Variants in HCFC2 observed in about 807,000 individuals in gnomAD.
HCFC2 encodes the protein host cell factor 2.
HCFC2 carries 18 observed loss-of-function variants against 89.2 expected under a neutral mutation model. The ratio of observed to expected loss-of-function variants is 0.20; its 90% CI spans 0.14 to 0.30. HCFC2 has a LOEUF of 0.30. Ranked by LOEUF, HCFC2 falls within the 10% of genes least tolerant of loss-of-function variation. HCFC2 has a pLI of 1.00. For synonymous variants in HCFC2, 308 were observed against 335.7 expected (o/e 0.92, Z 0.90); for missense variants, 578 against 956.1 (o/e 0.60, Z 5.21).
Position 104,095,537 on chromosome 12 carries a change from T to G in HCFC2, c.1640T>G (p.Leu547Arg), listed in dbSNP as rs1884152436. 6.2e-7 allele frequency: 1 copy of G among 1,613,326 alleles called. No individual in the cohort carries two copies. The highest frequency in any genetic ancestry group is 1.3e-5 in the African/African-American group (1 of 74,910). Residue 547 changes from leucine (L) to arginine (R), a missense_variant, in exon 11 of 15, where the codon CTA becomes CGA. By Grantham distance (102) the Leu-to-Arg change is moderately radical. Transcript: ENST00000229330. The surrounding 1 kb of genome is among the most constrained non-coding windows in gnomAD (Gnocchi z 4.2). Reference protein sequence around the residue: ...NGAVVKDETSLTTFSTKSEVD... With the variant: ...NGAVVKDETSRTTFSTKSEVD... ...GCAGTTGTTAAAGATGAAACTTCACTAACAACATTCAGTACCAAATCTGAA... is the reference window on the plus strand; with the variant it reads ...GCAGTTGTTAAAGATGAAACTTCACGAACAACATTCAGTACCAAATCTGAA...
intron 2 of HCFC2, among the ~76,000 whole-genome samples, chr12:104,067,671 A>G (rs773095077): frequency 9.2e-5 from 14 of 152,224 alleles, no homozygotes; most frequent in Non-Finnish European, 1.8e-4. Flanking sequence ...TTTATTTTTC[A>G]TTTGGAAACT....
intron 12 of HCFC2, among the ~76,000 whole-genome samples, 198 bp downstream of exon 12, chr12:104,096,631 G>T (rs1308467251): frequency 6.6e-6 from 1 of 152,138 alleles, no homozygotes; most frequent in Non-Finnish European, 1.5e-5. Flanking sequence ...AATAACATAT[G>T]TGTTGTGTTC....
chr12:104,101,704 C>T (rs1284600676), intron 13 of HCFC2, among the ~76,000 whole-genome samples: 1 of 152,110 alleles, frequency 6.6e-6, no homozygotes, highest in East Asian at 1.9e-4. Flanking sequence ...GTGCAGAATG[C>T]TCTTACATTT....
chr12:104,087,409 A>ATGTG (rs1566232250), intron 8 of HCFC2, among the ~76,000 whole-genome samples: 39 of 52,226 alleles, frequency 7.5e-4, no homozygotes, highest in African/African-American at 2.2e-3. Flanking sequence ...ATACTGCAGT[A>ATGTG]CGTGTGTGTG....
chr12:104,099,220 A>G (rs1250557100), intron 13 of HCFC2, among the ~76,000 whole-genome samples: 3 of 152,078 alleles, frequency 2.0e-5, no homozygotes, highest in African/African-American at 7.2e-5. Context: ...ACCAGATCTC[A>G]TGAGAACTCA....
At chr12:104,076,493 C>A (rs1418567773) in intron 3 of HCFC2, among the ~76,000 whole-genome samples, 2 of 152,176 alleles carry the variant, frequency 1.3e-5, no homozygotes, top group African/African-American at 4.8e-5. Flanking sequence ...TGGCTGATAT[C>A]CATTCTCAAC....
At chr12:104,077,572 T>C (rs1883540059) in intron 3 of HCFC2, among the ~76,000 whole-genome samples, 1 of 146,596 alleles carries the variant, frequency 6.8e-6, no homozygotes, top group South Asian at 2.2e-4. Context: ...TTTTTTAAAC[T>C]ATCTTATTAA....
intron 13 of HCFC2, among the ~76,000 whole-genome samples, chr12:104,100,474 C>T (rs988318315): frequency 4.0e-5 from 6 of 151,820 alleles, no homozygotes; most frequent in African/African-American, 1.5e-4. Flanking sequence ...ACTTGGGAGG[C>T]TGAGGTGGGA....
In HCFC2 at chr12:104,064,742, C is replaced by T. The variant is rs199952927; in HGVS notation, c.163+19C>T. 9.4e-4 allele frequency: 1,453 copies of T among 1,544,214 alleles called. 8 individuals are homozygous for T. In the African/African-American group the frequency reaches 0.019, roughly 20 times the overall value. On this transcript the variant is annotated intron_variant, in intron 1 of 14. Coordinates refer to ENST00000229330, the MANE Select transcript of HCFC2 (RefSeq NM_013320.3). The surrounding 1 kb of genome is among the most constrained non-coding windows in gnomAD (Gnocchi z 7.3). ...AACACGGGTAGGCGCGGCGGCGGCT[C>T]GTCGGCCCCGCCTGCTGGAGCTGCG...
At chr12:104,065,098 C>T (rs1253965055) in intron 1 of HCFC2, 1 of 173,094 alleles carries the variant, frequency 5.8e-6, no homozygotes, top group Admixed American at 6.3e-5. Context: ...ACCAAAGTTC[C>T]TTAGGGCCTT....
chr12:104,069,749 G>A (rs997966328), intron 3 of HCFC2, among the ~76,000 whole-genome samples: 1 of 151,562 alleles, frequency 6.6e-6, no homozygotes, highest in East Asian at 1.9e-4. Context: ...TGTTACATAG[G>A]TATACATGTG....
chr12:104,071,646 G>A (rs779555537), intron 3 of HCFC2, among the ~76,000 whole-genome samples: 3 of 152,142 alleles, frequency 2.0e-5, no homozygotes, highest in Non-Finnish European at 4.4e-5. Flanking sequence ...GGAGTGCAAT[G>A]GCACAATGTC....
rs1305607617 is a variant in HCFC2 at position 104,068,030 on chromosome 12, C to A, written c.396C>A (p.Phe132Leu). 6.2e-7 allele frequency: 1 copy of A among 1,607,372 alleles called. No homozygotes were observed. Among genetic ancestry groups the A allele is most frequent in the African/African-American group, 1.3e-5 (1 of 74,314 alleles). The change falls in exon 3 of 15, where the codon TTC (phenylalanine) becomes TTA (leucine). Residue 132 changes from phenylalanine (F) to leucine (L), a missense_variant. Physicochemically the swap from Phe to Leu is conservative, Grantham distance 22 (BLOSUM62 0). Around this residue, in one of 4 missense-constraint regions of HCFC2, gnomAD observed 206 missense variants for 419.2 expected, o/e 0.49. Coordinates refer to ENST00000229330, the MANE Select transcript of HCFC2 (RefSeq NM_013320.3). This position sits in a 1 kb window ranked among gnomAD's most constrained non-coding sequence, Gnocchi z 4.1. ...LPPCPRLGHS[F>L]SLYGNKCYLF... ...CTTGTCCTCGGCTTGGACATAGCTT[C>A]TCTTTATATGGTAACAAATGCTATT...
intron 13 of HCFC2, 128 bp from the exon 14 acceptor site, chr12:104,101,840 T>A: frequency 1.9e-6 from 1 of 539,172 alleles, no homozygotes; most frequent in Non-Finnish European, 3.0e-6. Flanking sequence ...GAGATAAATG[T>A]GAACCAGAAC....
In HCFC2 at chr12:104,064,963, G is replaced by C; in HGVS notation, c.163+240G>C. On this transcript the variant is annotated intron_variant, in intron 1 of 14. Transcript: ENST00000229330. This position sits in a 1 kb window ranked among gnomAD's most constrained non-coding sequence, Gnocchi z 7.3. ...CCCGAGCGGGGCGCACCGGCCTTCA[G>C]GCGGGGGATCCCGGACGCCCCCACC... 2.6e-6 allele frequency: 1 copy of C among 391,870 alleles called. No homozygotes were observed. The highest frequency in any genetic ancestry group is 4.5e-6 in the Non-Finnish European group (1 of 222,936). 24.3% of individuals were successfully genotyped at this position (391,870 alleles called of 1,614,324 possible).
In HCFC2 at chr12:104,064,735, G is replaced by A; in HGVS notation, c.163+12G>A. The A allele has an allele frequency of 6.5e-7, 1 of 1,547,728 alleles. No individual in the cohort carries two copies. Among genetic ancestry groups the A allele is most frequent in the Non-Finnish European group, 8.7e-7 (1 of 1,149,954 alleles). ...CGTCTACAACACGGGTAGGCGCGGCGGCGGCTCGTCGGCCCCGCCTGCTGG... is the reference window on the plus strand; with the variant it reads ...CGTCTACAACACGGGTAGGCGCGGCAGCGGCTCGTCGGCCCCGCCTGCTGG... On this transcript the variant is annotated intron_variant, in intron 1 of 14. Transcript: ENST00000229330. This position sits in a 1 kb window ranked among gnomAD's most constrained non-coding sequence, Gnocchi z 7.3.
At chr12:104,074,626 C>CT (rs1323929040) in intron 3 of HCFC2, among the ~76,000 whole-genome samples, 1 of 152,104 alleles carries the variant, frequency 6.6e-6, no homozygotes, top group Non-Finnish European at 1.5e-5. Flanking sequence ...GAAATATGAG[C>CT]CACCTTTTTA....
chr12:104,093,676 A>T (rs1001118234), intron 10 of HCFC2, 113 bp downstream of exon 10: 5 of 858,390 alleles, frequency 5.8e-6, no homozygotes, highest in Non-Finnish European at 8.9e-6. Context: ...ATAGCAAAAA[A>T]CTGCCATATT....
chr12:104,076,785 C>G (rs368771521), intron 3 of HCFC2, among the ~76,000 whole-genome samples: 1 of 147,530 alleles, frequency 6.8e-6, no homozygotes, highest in African/African-American at 2.5e-5. Context: ...TTTTGTTTCC[C>G]CTGCATTCCT....
Sources: allele counts gnomAD v4.1 joint callset (sites outside exome capture counted in the v4.1 genomes callset), GRCh38; gene constraint gnomAD v4.1.1; regional missense constraint gnomAD v4.1.1; non-coding constraint Gnocchi (gnomAD v3.1); transcripts MANE v1.5; gene names NCBI Gene and HGNC (gene_info 2026-07-23, HGNC 2026-07-21).